LOXL2: variants seen among roughly 807,000 people sequenced by gnomAD.
LOXL2 encodes lysyl oxidase homolog 2.
A neutral mutation model predicts 93.0 loss-of-function variants in LOXL2; 70 were observed. The ratio of observed to expected loss-of-function variants is 0.75; its 90% CI spans 0.62 to 0.92. LOXL2 has a LOEUF of 0.92. Among genes scored for constraint, LOXL2 ranks in the 40% least tolerant of loss-of-function variants. The pLI is 0.00. For missense variants in LOXL2, 973 were observed against 1,054.9 expected (o/e 0.92, Z 1.08); for synonymous variants, 438 against 413.2 (o/e 1.06, Z -0.73).
chr8:23,311,245 C>T (rs1446124239), intron 9 of LOXL2, among the ~76,000 whole-genome samples: 1 of 152,174 alleles, frequency 6.6e-6, no homozygotes, highest in Non-Finnish European at 1.5e-5. Flanking sequence ...ATGGAGCTGG[C>T]ATCCTCTAGA....
At position 23,309,776 on chromosome 8, in the gene LOXL2, G is replaced by A. The variant is rs759510676; in HGVS notation, c.1772C>T (p.Thr591Met). ...GAAGCGCAGGAGCCGGCGGTAGCCC[G>A]TGGTGGGGTCGGTCTGCGCGGCTGA... ...SASAAQTDPT[T>M]GYRRLLRFSS... The change falls in exon 10 of 14, where the codon ACG (threonine) becomes ATG (methionine). Residue 591 changes from threonine (T) to methionine (M), a missense_variant. By Grantham distance (81) the Thr-to-Met change is moderately conservative (BLOSUM62 -1). Transcript: ENST00000389131. The A allele has an allele frequency of 1.7e-5, 28 of 1,604,192 alleles. No individual in the cohort carries two copies. Among genetic ancestry groups the A allele is most frequent in the Admixed American group, 1.7e-4 (10 of 58,360 alleles).
chr8:23,375,071 G>C (rs573808033), intron 1 of LOXL2, among the ~76,000 whole-genome samples: 1 of 152,058 alleles, frequency 6.6e-6, no homozygotes, highest in African/African-American at 2.4e-5. Flanking sequence ...GGGTTTTTAT[G>C]GTTTTAGGTC....
rs540734718 is a variant in LOXL2 at position 23,361,348 on chromosome 8, T to A, written c.356-1083A>T. Among the ~76,000 whole-genome samples, 5 of 152,198 alleles carry A rather than the reference T, an allele frequency of 3.3e-5. No individual in the cohort carries two copies. The South Asian group carries it at 1.0e-3, about 32-fold the overall frequency. ...TTCAGCTCCTCTTACTTCCCAATAT[T>A]TCCCATCGCTGGCTCAGAGACAGCC... On this transcript the variant is annotated intron_variant, in intron 2 of 13. Coordinates refer to ENST00000389131, the MANE Select transcript of LOXL2 (RefSeq NM_002318.3).
chr8:23,333,182 A>G (rs547783662), intron 5 of LOXL2, among the ~76,000 whole-genome samples: 1 of 152,284 alleles, frequency 6.6e-6, no homozygotes, highest in African/African-American at 2.4e-5. Flanking sequence ...GTAAGCGGAC[A>G]GCGCACCAAC....
intron 9 of LOXL2, among the ~76,000 whole-genome samples, chr8:23,316,575 C>T (rs986913853): frequency 6.6e-6 from 1 of 152,142 alleles, no homozygotes; most frequent in Non-Finnish European, 1.5e-5. Flanking sequence ...ACAGGAAATG[C>T]TCTACAGAGG....
In LOXL2 at chr8:23,303,368, T is replaced by G; in HGVS notation, c.1910A>C (p.His637Pro). 1 of 1,612,512 alleles carries G rather than the reference T, an allele frequency of 6.2e-7. No homozygotes were observed. The highest frequency in any genetic ancestry group is 8.5e-7 in the Non-Finnish European group (1 of 1,178,822). The change falls in exon 11 of 14, where the codon CAC becomes CCC. Residue 637 changes from histidine (H) to proline (P), a missense_variant. Physicochemically the swap from His to Pro is moderately conservative, Grantham distance 77. Coordinates refer to ENST00000389131, the MANE Select transcript of LOXL2 (RefSeq NM_002318.3). ...RHYHSMEVFT[H>P]YDLLNLNGTK... ...GCCATTGAGGTTCAGCAGGTCATAG[T>G]GGGTGAACACCTCCATGCTGTGGTA...
At chr8:23,349,426 G>A (rs990887569) in intron 3 of LOXL2, among the ~76,000 whole-genome samples, 2 of 152,006 alleles carry the variant, frequency 1.3e-5, no homozygotes, top group Non-Finnish European at 2.9e-5. Flanking sequence ...AAAAATATTT[G>A]TCCAGTGCCA....
chr8:23,325,049 C>G (rs924029842), intron 6 of LOXL2, among the ~76,000 whole-genome samples: 3 of 152,082 alleles, frequency 2.0e-5, no homozygotes, highest in African/African-American at 7.2e-5. Flanking sequence ...ATGTAGCCAG[C>G]CAGTTTGTCT....
At position 23,351,060 on chromosome 8, in the gene LOXL2, C is replaced by T. The variant is rs541706956; in HGVS notation, c.531+9030G>A. On this transcript the variant is annotated intron_variant, in intron 3 of 13. Transcript: ENST00000389131. ...GTCATGAGGCATGAGACTGTTTCTC[C>T]ACTGCTGGATGGTAAGCTCAGGATG... Among the ~76,000 whole-genome samples the T allele has an allele frequency of 1.3e-4, 20 of 152,316 alleles. No individual in the cohort carries two copies. The Middle Eastern group carries it at 0.017, about 130-fold the overall frequency.
At chr8:23,302,630 G>T (rs1008992274) in intron 11 of LOXL2, among the ~76,000 whole-genome samples, 4 of 152,230 alleles carry the variant, frequency 2.6e-5, no homozygotes, top group Non-Finnish European at 5.9e-5. Context: ...TGATTTCACG[G>T]CAAGTCAGTG....
At position 23,333,382 on chromosome 8, in the gene LOXL2, C is replaced by T. The variant is rs769798570; in HGVS notation, c.966+19G>A. ...CCCCTCCAGGTGCCAAGTGGCCACA[C>T]CTCGTGCCCCGTCCTCACCTCTGGC... On this transcript the variant is annotated intron_variant, in intron 5 of 13. Coordinates refer to ENST00000389131, the MANE Select transcript of LOXL2 (RefSeq NM_002318.3). The T allele has an allele frequency of 6.2e-6, 10 of 1,611,204 alleles. No homozygotes were observed. Among genetic ancestry groups the T allele is most frequent in the East Asian group, 2.2e-5 (1 of 44,880 alleles).
chr8:23,342,308 T>C (rs1803894269), intron 3 of LOXL2, among the ~76,000 whole-genome samples: 3 of 148,600 alleles, frequency 2.0e-5, no homozygotes, highest in Admixed American at 6.8e-5. Context: ...CCAAACTCTA[T>C]GGAAGCTCCC....
intron 2 of LOXL2, among the ~76,000 whole-genome samples, chr8:23,366,747 C>T (rs1300567225): frequency 6.6e-6 from 1 of 152,024 alleles, no homozygotes; most frequent in African/African-American, 2.4e-5. Flanking sequence ...CTCAGCCGGG[C>T]GGGAGGGTGT....
intron 9 of LOXL2, among the ~76,000 whole-genome samples, chr8:23,311,850 G>C (rs1329352384): frequency 6.6e-6 from 1 of 152,178 alleles, no homozygotes; most frequent in African/African-American, 2.4e-5. Flanking sequence ...GAATTGTAAC[G>C]GGAGGAACCT....
intron 5 of LOXL2, among the ~76,000 whole-genome samples, chr8:23,329,584 CGT>C (rs1242380510): frequency 6.6e-6 from 1 of 152,048 alleles, no homozygotes; most frequent in African/African-American, 2.4e-5. Context: ...TGCATGTATG[CGT>C]GTGTGTGTTT....
intron 3 of LOXL2, among the ~76,000 whole-genome samples, chr8:23,351,118 C>T (rs571937187): frequency 1.3e-5 from 2 of 152,334 alleles, no homozygotes; most frequent in East Asian, 3.9e-4. Context: ...CTCCCTTTAT[C>T]CTCATGTCTA....
intron 7 of LOXL2, among the ~76,000 whole-genome samples, chr8:23,320,843 G>A (rs117968210): frequency 0.012 from 1,777 of 152,280 alleles, 21 homozygotes; most frequent in Non-Finnish European, 0.018. Context: ...AGAAGTTTCA[G>A]GTTGCAGTGG....
chr8:23,399,040 G>A (rs1267433622), intron 1 of LOXL2, among the ~76,000 whole-genome samples: 1 of 152,234 alleles, frequency 6.6e-6, no homozygotes, highest in East Asian at 1.9e-4. Flanking sequence ...CAGGACTGAA[G>A]ACTTAAGAGA....
intron 9 of LOXL2, among the ~76,000 whole-genome samples, chr8:23,311,197 C>A (rs756025856): frequency 1.3e-5 from 2 of 152,160 alleles, no homozygotes; most frequent in Non-Finnish European, 2.9e-5. Context: ...CAGAGTCCAG[C>A]GGGTTCTCAG....
Sources: gnomAD v4.1 joint callset for allele counts (sites outside exome capture counted in the v4.1 genomes callset) on GRCh38, gnomAD v4.1.1 for gene constraint, MANE v1.5 for transcripts, NCBI Gene and HGNC (gene_info 2026-07-23, HGNC 2026-07-21) for gene names.